The following ACOX3 variants were observed in gnomAD, a reference collection of about 807,000 sequenced individuals.
ACOX3 encodes acyl-CoA oxidase 3, pristanoyl.
In ACOX3, 73 loss-of-function variants were observed where a neutral mutation model predicts 81.5. The ratio of observed to expected loss-of-function variants is 0.90; its 90% CI spans 0.74 to 1.09. ACOX3 has a LOEUF of 1.09. Among genes scored for constraint, ACOX3 ranks in the 50% least tolerant of loss-of-function variants. ACOX3 has a pLI of 0.00. For missense variants in ACOX3, 947 were observed against 928.0 expected, an observed-to-expected ratio of 1.02 and a Z score of -0.27; for synonymous variants, 387 against 375.1, an observed-to-expected ratio of 1.03 and a Z score of -0.37.
chr4:8,435,169 A>G (rs541097401), intron 1 of ACOX3, among the ~76,000 whole-genome samples: 1 of 152,254 alleles, frequency 6.6e-6, no homozygotes, highest in Admixed American at 6.5e-5. Flanking sequence ...TTAAGCCCCC[A>G]GAGGTTAAGA....
In ACOX3 at chr4:8,386,519, T is replaced by TCATAC. The variant is rs1334229776; in HGVS notation, c.1537+2649_1537+2653dup. ...AGGTGGAGCTTGCAGTGAGCCGAGA[T>TCATAC]CATACCACTGCACTCCAGCCTGGGC... is the stretch of plus-strand genomic sequence containing the variant. On this transcript the variant is annotated intron_variant, in intron 13 of 17. Transcript: ENST00000356406. The surrounding 1 kb of genome is among the most constrained non-coding windows in gnomAD (Gnocchi z 5.2). 7.0e-6 allele frequency among the ~76,000 whole-genome samples: 1 copy of TCATAC among 143,318 alleles called. No individual in the cohort carries two copies. The highest frequency in any genetic ancestry group is 1.5e-5 in the Non-Finnish European group (1 of 66,744). 94.0% of individuals were successfully genotyped at this position (143,318 alleles called of 152,430 possible).
downstream of ACOX3, among the ~76,000 whole-genome samples, chr4:8,363,823 A>C (rs1433137833): frequency 6.6e-6 from 1 of 151,938 alleles, no homozygotes; most frequent in Non-Finnish European, 1.5e-5. Context: ...TCACTGCTAC[A>C]CTCCCACCAG....
Position 8,415,923 on chromosome 4 carries a change from T to C in ACOX3, c.221A>G (p.Tyr74Cys), listed in dbSNP as rs1373357265. Residue 74 changes from tyrosine (Y) to cysteine (C), a missense_variant, in exon 3 of 18, where the codon TAT becomes TGT. Physicochemically the swap from Tyr to Cys is radical, Grantham distance 194 (BLOSUM62 -2). Coordinates refer to ENST00000356406, the MANE Select transcript of ACOX3 (RefSeq NM_003501.3). ...GCATCGAAGGAAGTTCAGCTCGCGATACTTCTCCAAGGACAGATCGGCTCC... is the reference window on the plus strand; with the variant it reads ...GCATCGAAGGAAGTTCAGCTCGCGACACTTCTCCAAGGACAGATCGGCTCC... ...SPGADLSLEK[Y>C]RELNFLRCKR... 1.9e-6 allele frequency: 3 copies of C among 1,614,204 alleles called. No homozygotes were observed. The highest frequency in any genetic ancestry group is 3.3e-5 in the Admixed American group (2 of 60,030).
chr4:8,387,045 T>A (rs1222126035), intron 13 of ACOX3, among the ~76,000 whole-genome samples: 1 of 152,160 alleles, frequency 6.6e-6, no homozygotes, highest in African/African-American at 2.4e-5. Flanking sequence ...CACATTCTGG[T>A]CTCCTGAATG....
Position 8,410,234 on chromosome 4 carries a change from C to CCATG in ACOX3, c.661_664dup (p.Gly222AlafsTer38). The stretch of plus-strand genomic sequence containing the variant: ...TACCTGCACGATAAAGGGATGCAGC[C>CCATG]CATGGCACTGGTCCCCTGGCACACA... On this transcript the variant is annotated frameshift_variant, in exon 6 of 18. Transcript: ENST00000356406. LOFTEE classifies it high-confidence loss of function. 1.9e-6 allele frequency: 3 copies of CCATG among 1,614,038 alleles called. No individual in the cohort carries two copies. The highest frequency in any genetic ancestry group is 2.5e-6 in the Non-Finnish European group (3 of 1,179,938).
Position 8,406,163 on chromosome 4 carries a change from A to G in ACOX3, c.688-120T>C, listed in dbSNP as rs1720928663. On this transcript the variant is annotated intron_variant, in intron 6 of 17. Transcript: ENST00000356406. The surrounding 1 kb of genome is among the most constrained non-coding windows in gnomAD (Gnocchi z 5.6). ...GCTCAACGCTGGGCGGCTGTGGGTT[A>G]AACCATCCTCCAGAAATGATACATC... 2.3e-6 allele frequency: 2 copies of G among 887,186 alleles called. No homozygotes were observed. Among genetic ancestry groups the G allele is most frequent in the African/African-American group, 3.3e-5 (2 of 60,502 alleles). 55.0% of individuals were successfully genotyped at this position (887,186 alleles called of 1,614,324 possible). A position where few individuals can be genotyped will look rare whatever the true frequency, so the allele number is the denominator to read the frequency against.
rs114665157 is a variant in ACOX3, at chr4:8,421,439, C to T, written c.-14-4904G>A. On this transcript the variant is annotated intron_variant, in intron 1 of 17. Coordinates refer to ENST00000356406, the MANE Select transcript of ACOX3 (RefSeq NM_003501.3). ...GAAAGCTGTCGTCCCAAATTCCCGG[C>T]ATTGGCCGGTCAAGATCATGGCGCA... 2.7e-3 allele frequency among the ~76,000 whole-genome samples: 406 copies of T among 152,340 alleles called. 1 individual carries two copies. The highest frequency in any genetic ancestry group is 4.7e-3 in the Non-Finnish European group (323 of 68,038).
Position 8,405,886 on chromosome 4 carries a change from C to T in ACOX3, c.776+69G>A, listed in dbSNP as rs868793962. On this transcript the variant is annotated intron_variant, in intron 7 of 17. Transcript: ENST00000356406. The surrounding 1 kb of genome is among the most constrained non-coding windows in gnomAD (Gnocchi z 7.1). The stretch of plus-strand genomic sequence containing the variant: ...GGCATCCATGGGGCCAGTGAGATCT[C>T]AGACATGAGCGACAACGCAGCCTGG... 5 of 1,478,238 alleles carry T rather than the reference C, an allele frequency of 3.4e-6. No homozygotes were observed. Among genetic ancestry groups the T allele is most frequent in the Middle Eastern group, 1.9e-4 (1 of 5,330 alleles). 91.6% of individuals were successfully genotyped at this position (1,478,238 alleles called of 1,614,324 possible). A position where few individuals can be genotyped will look rare whatever the true frequency, so the allele number is the denominator to read the frequency against.
In ACOX3 at chr4:8,407,535, T is replaced by C. The variant is rs112100776; in HGVS notation, c.688-1492A>G. 4.6e-5 allele frequency among the ~76,000 whole-genome samples: 7 copies of C among 152,338 alleles called. 1 individual carries two copies. The highest frequency in any genetic ancestry group is 1.2e-4 in the African/African-American group (5 of 41,582). ...CCTCCAGAGTTGGGAGAATACGTTA[T>C]GCTGTTTCGAGCGCCCTGCTTTGTG... On this transcript the variant is annotated intron_variant, in intron 6 of 17. Coordinates refer to ENST00000356406, the MANE Select transcript of ACOX3 (RefSeq NM_003501.3). The surrounding 1 kb of genome is among the most constrained non-coding windows in gnomAD (Gnocchi z 4.6).
intron 8 of ACOX3, among the ~76,000 whole-genome samples, chr4:8,397,639 C>T (rs1719866251): frequency 6.6e-6 from 1 of 152,232 alleles, no homozygotes; most frequent in African/African-American, 2.4e-5. Flanking sequence ...TCGCACGCAT[C>T]AGCGGCGTCA....
At position 8,384,435 on chromosome 4, in the gene ACOX3, G is replaced by A. The variant is rs1457194104; in HGVS notation, c.1538-2828C>T. ...CTAGGCAGGAAAACGGGCACTGACG[G>A]GCAGTGAATTCTCTTGCTCGGAATG... is the stretch of plus-strand genomic sequence containing the variant. On this transcript the variant is annotated intron_variant, in intron 13 of 17. Coordinates refer to ENST00000356406, the MANE Select transcript of ACOX3 (RefSeq NM_003501.3). This position sits in a 1 kb window ranked among gnomAD's most constrained non-coding sequence, Gnocchi z 5.3. Among the ~76,000 whole-genome samples the A allele has an allele frequency of 2.6e-5, 4 of 152,168 alleles. No individual in the cohort carries two copies. The East Asian group carries it at 7.7e-4, about 29-fold the overall frequency.
rs147705487 is a variant in ACOX3 at position 8,378,303 on chromosome 4, G to T, written c.1654-3151C>A. On this transcript the variant is annotated intron_variant, in intron 14 of 17. Transcript: ENST00000356406. The stretch of plus-strand genomic sequence containing the variant: ...TGGCCCCGGCACGGGCGAGCTGGGG[G>T]ACCTTGGGCATTTCTCTTGGCCTCA... Among the ~76,000 whole-genome samples the T allele has an allele frequency of 9.2e-3, 1,404 of 152,336 alleles. 7 individuals carry two copies. The highest frequency in any genetic ancestry group is 0.015 in the Non-Finnish European group (1,013 of 68,022).
chr4:8,375,466 C>A (rs1360270013), intron 14 of ACOX3, among the ~76,000 whole-genome samples: 2 of 152,220 alleles, frequency 1.3e-5, no homozygotes, highest in Non-Finnish European at 2.9e-5. Context: ...CTGGAGCCGG[C>A]CTCGGGATGC....
At chr4:8,410,742 C>T (rs142455809) in intron 5 of ACOX3, among the ~76,000 whole-genome samples, 462 of 152,252 alleles carry the variant, frequency 3.0e-3, no homozygotes, top group African/African-American at 0.011. Flanking sequence ...GTGGGAATGC[C>T]GTGCAGTCCA....
At chr4:8,425,189 A>G (rs1480538861) in intron 1 of ACOX3, among the ~76,000 whole-genome samples, 2 of 152,134 alleles carry the variant, frequency 1.3e-5, no homozygotes. Context: ...GGTGATCAGA[A>G]AGGAAAGGAA....
intron 8 of ACOX3, among the ~76,000 whole-genome samples, chr4:8,398,734 CCA>C: frequency 6.6e-6 from 1 of 152,304 alleles, no homozygotes; most frequent in Middle Eastern, 3.4e-3. Flanking sequence ...CTTTGGCCTC[CCA>C]CAGTGCTAGG....
chr4:8,396,808 A>T, intron 9 of ACOX3, 129 bp downstream of exon 9: 1 of 1,114,074 alleles, frequency 9.0e-7, no homozygotes, highest in Non-Finnish European at 1.3e-6. Flanking sequence ...CACTCCCGCT[A>T]ACTAATCATC....
chr4:8,356,699 G>A, the ACOX3 span: 1 of 456,382 alleles, frequency 2.2e-6, no homozygotes, highest in South Asian at 1.6e-5. Context: ...CAAGTATGCA[G>A]AACTGTGCAC....
At chr4:8,396,778 C>G (rs1043157837) in intron 9 of ACOX3, among the ~76,000 whole-genome samples, 159 bp downstream of exon 9, 1 of 152,126 alleles carries the variant, frequency 6.6e-6, no homozygotes, top group Non-Finnish European at 1.5e-5. Context: ...TTGCTGGAAG[C>G]CTTGCGGCCT....
Sources: allele counts gnomAD v4.1 joint callset (sites outside exome capture counted in the v4.1 genomes callset), GRCh38; gene constraint gnomAD v4.1.1; non-coding constraint Gnocchi (gnomAD v3.1); transcripts MANE v1.5; gene names NCBI Gene and HGNC (gene_info 2026-07-23, HGNC 2026-07-21).